CDK12: variants seen among roughly 807,000 people sequenced by gnomAD.
CDK12 encodes cyclin-dependent kinase 12.
Under a neutral mutation model 133.8 loss-of-function variants are expected in CDK12, and 17 were observed. The ratio of observed to expected loss-of-function variants is 0.13; its 90% confidence interval spans 0.09 to 0.19. The LOEUF (loss-of-function observed/expected upper bound fraction) is 0.19, where lower values mean the gene tolerates loss of function less well. Among genes scored for constraint, CDK12 ranks in the 10% least tolerant of loss-of-function variants. The pLI is 1.00. For missense variants in CDK12, 1,508 were observed against 1,818.7 expected (o/e 0.83, Z 3.11); for synonymous variants, 694 against 683.6 (o/e 1.02, Z -0.24).
intron 2 of CDK12, among the ~76,000 whole-genome samples, chr17:39,477,396 C>G (rs755793318): frequency 1.3e-5 from 2 of 151,216 alleles, no homozygotes; most frequent in African/African-American, 2.4e-5. Flanking sequence ...CCACCATGCC[C>G]AGCTCATTTT....
At chr17:39,470,816 A>G (rs939275643) in intron 1 of CDK12, 63 bp from the exon 2 acceptor site, 4 of 1,294,988 alleles carry the variant, frequency 3.1e-6, no homozygotes, top group Non-Finnish European at 4.3e-6. Context: ...TGTTTTATTG[A>G]TCTGTTTTCC....
intron 11 of CDK12, among the ~76,000 whole-genome samples, chr17:39,523,013 A>C: frequency 6.6e-6 from 1 of 152,106 alleles, no homozygotes; most frequent in East Asian, 1.9e-4. Flanking sequence ...AGATTGTGCC[A>C]GTGCATTCCT....
At chr17:39,515,082 G>A (rs145669934) in intron 8 of CDK12, among the ~76,000 whole-genome samples, 228 of 152,248 alleles carry the variant, frequency 1.5e-3, no homozygotes, top group African/African-American at 5.0e-3. Flanking sequence ...GTGTGGTGGT[G>A]CATGCCTGTA....
At chr17:39,463,140 C>G (rs1383613940) in intron 1 of CDK12, 23 bp downstream of exon 1, 1 of 1,599,602 alleles carries the variant, frequency 6.3e-7, no homozygotes, top group African/African-American at 1.3e-5. Context: ...TCTAACAGTC[C>G]TTCCTCATTT....
At chr17:39,536,798 G>C (rs943604361), downstream of CDK12, among the ~76,000 whole-genome samples, 49 of 152,166 alleles carry the variant, frequency 3.2e-4, no homozygotes, top group African/African-American at 1.1e-3. Context: ...GACTGATACT[G>C]AGTTTGTCTT....
chr17:39,563,799 G>T (rs376404473), intron 3 of CDK12, among the ~76,000 whole-genome samples: 1 of 149,620 alleles, frequency 6.7e-6, no homozygotes, highest in African/African-American at 2.4e-5. Flanking sequence ...GAGGAAGGGG[G>T]GAGAGAAGGG....
At chr17:39,544,620 G>A (rs1352411249), upstream of CDK12, among the ~76,000 whole-genome samples, 2 of 145,298 alleles carry the variant, frequency 1.4e-5, no homozygotes, top group Non-Finnish European at 3.0e-5. Context: ...TGGGTAACAG[G>A]CGATCTTTTT....
At chr17:39,482,015 C>CTT (rs56340258) in intron 2 of CDK12, among the ~76,000 whole-genome samples, 11 of 96,254 alleles carry the variant, frequency 1.1e-4, no homozygotes, top group African/African-American at 3.3e-4. Context: ...CCTGGCTTGC[C>CTT]TTTTTTTTTT....
intron 3 of CDK12, among the ~76,000 whole-genome samples, chr17:39,561,519 G>T (rs1287851274): frequency 6.6e-6 from 1 of 152,182 alleles, no homozygotes. Flanking sequence ...TAGAGAAATT[G>T]TTTTGTCTGT....
At chr17:39,476,722 T>TTTCTTTTTC (rs1241823099) in intron 2 of CDK12, among the ~76,000 whole-genome samples, 5 of 111,452 alleles carry the variant, frequency 4.5e-5, no homozygotes, top group African/African-American at 1.8e-4. Flanking sequence ...TTTTTTTTTT[T>TTTCTTTTTC]TTTTTTTTTT....
rs1461665481 is a variant in CDK12, at chr17:39,531,330, G to A, written c.*14G>A. On this transcript the variant is annotated 3_prime_UTR_variant, in exon 14 of 14. Transcript: ENST00000447079. ...GTTCCTTACTAACCCAGAGACTTCA[G>A]TGTCCTGAAAGATTCCTTTCCTATC... 6 of 1,455,748 alleles carry A rather than the reference G, an allele frequency of 4.1e-6. No homozygotes were observed. In the South Asian group the frequency reaches 5.0e-5, roughly 12 times the overall value. 90.2% of individuals were successfully genotyped at this position (1,455,748 alleles called of 1,614,324 possible).
chr17:39,566,854 T>C (rs1156251943), downstream of CDK12: 1 of 152,504 alleles, frequency 6.6e-6, no homozygotes, highest in Non-Finnish European at 1.5e-5. Context: ...CCCCTTTTCA[T>C]GGAAGACCAG....
At position 39,531,197 on chromosome 17, in the gene CDK12, A is replaced by G. The variant is rs2054822518; in HGVS notation, c.4354A>G (p.Ser1452Gly). The G allele has an allele frequency of 1.1e-5, 17 of 1,519,726 alleles. No individual in the cohort carries two copies. The highest frequency in any genetic ancestry group is 1.5e-5 in the Non-Finnish European group (17 of 1,135,636). 94.1% of individuals were successfully genotyped at this position (1,519,726 alleles called of 1,614,324 possible). The change falls in exon 14 of 14, where the codon AGC (serine) becomes GGC (glycine). Residue 1452 changes from serine to glycine, a missense_variant. Transcript: ENST00000447079. ...GGGGCCAGGAACCACTGGGGCCAGCAGCTCAGGAGCAGGCCTTCACTGGGG... is the reference window on the plus strand; with the variant it reads ...GGGGCCAGGAACCACTGGGGCCAGCGGCTCAGGAGCAGGCCTTCACTGGGG... ...ELGPGTTGAS[S>G]SGAGLHWGGP... is the part of the protein sequence containing the mutation.
chr17:39,560,664 A>G (rs1314858881), intron 3 of CDK12, among the ~76,000 whole-genome samples: 1 of 152,208 alleles, frequency 6.6e-6, no homozygotes, highest in African/African-American at 2.4e-5. Flanking sequence ...CAGGGAGAGC[A>G]CTGGAGCAGC....
chr17:39,509,867 C>A, intron 7 of CDK12, 106 bp downstream of exon 7: 1 of 821,882 alleles, frequency 1.2e-6, no homozygotes, highest in South Asian at 1.5e-5. Context: ...GTGGCTTGAT[C>A]TCAGCTCGCT....
chr17:39,527,124 C>T (rs2054541712), intron 13 of CDK12, among the ~76,000 whole-genome samples: 1 of 152,196 alleles, frequency 6.6e-6, no homozygotes, highest in Admixed American at 6.5e-5. Context: ...TCCATGAAGA[C>T]CCCATGAATT....
At chr17:39,542,651 C>T (rs2055484670) in intron 1 of CDK12, among the ~76,000 whole-genome samples, 1 of 151,784 alleles carries the variant, frequency 6.6e-6, no homozygotes, top group African/African-American at 2.4e-5. Flanking sequence ...GCTGGGATTA[C>T]AGGCATGTGC....
intron 1 of CDK12, among the ~76,000 whole-genome samples, chr17:39,541,013 G>A (rs962940440): frequency 9.9e-5 from 15 of 152,232 alleles, no homozygotes; most frequent in South Asian, 6.2e-4. Context: ...GGAAGGGGAA[G>A]ACTGGGATAT....
chr17:39,483,925 C>T (rs1329187941), intron 2 of CDK12, among the ~76,000 whole-genome samples: 2 of 151,868 alleles, frequency 1.3e-5, no homozygotes, highest in Non-Finnish European at 2.9e-5. Context: ...CTCACTGCAA[C>T]TGCTGCCTCC....
Sources: gnomAD v4.1 joint callset for allele counts (sites outside exome capture counted in the v4.1 genomes callset) on GRCh38, gnomAD v4.1.1 for gene constraint, MANE v1.5 for transcripts, NCBI Gene and HGNC (gene_info 2026-07-23, HGNC 2026-07-21) for gene names.